TP53BP2: variants seen among roughly 807,000 people sequenced by gnomAD.
The protein encoded by TP53BP2 is apoptosis-stimulating of p53 protein 2.
A neutral mutation model predicts 126.2 loss-of-function variants in TP53BP2; 62 were observed. The observed-to-expected ratio is 0.49, with a 90% confidence interval of 0.40 to 0.61. The LOEUF is 0.61. TP53BP2 is among the 20% of genes least tolerant of loss of function. TP53BP2 has a pLI of 0.00. For synonymous variants in TP53BP2, 485 were observed against 502.9 expected (o/e 0.96, Z 0.48); for missense variants, 1,215 against 1,402.8 (o/e 0.87, Z 2.14).
chr1:223,780,881 A>G lies in TP53BP2; in HGVS notation c.3377T>C (p.Ile1126Thr). The G allele has an allele frequency of 6.2e-7, 1 of 1,613,792 alleles. No homozygotes were observed. The highest frequency in any genetic ancestry group is 8.5e-7 in the Non-Finnish European group (1 of 1,179,942). The change falls in exon 18 of 18, where the codon ATT (isoleucine) becomes ACT (threonine). Residue 1126 changes from isoleucine to threonine, a missense_variant. By Grantham distance (89) the Ile-to-Thr change is moderately conservative. Around this residue, in one of 4 missense-constraint regions of TP53BP2, gnomAD observed 151 missense variants for 231.2 expected, o/e 0.65. Coordinates refer to ENST00000343537, the MANE Select transcript of TP53BP2 (RefSeq NM_001031685.3). ...GGCCAAGCTCCTTTGTCTTGGTTTAATTCTTGGGTACAGCTGCAAGAGAGT... is the reference window on the plus strand; with the variant it reads ...GGCCAAGCTCCTTTGTCTTGGTTTAGTTCTTGGGTACAGCTGCAAGAGAGT... ...PRNLLGLYPR[I>T]KPRQRSLA
Position 223,845,701 on chromosome 1 carries a change from C to A in TP53BP2, c.-21G>T. ...CGCATGGAAGCGGGTGGCCAGACTG[C>A]GGCCCCGGCCGAGCTGAGGTGCCCC... On this transcript the variant is annotated 5_prime_UTR_variant, in exon 1 of 18. Coordinates refer to ENST00000343537, the MANE Select transcript of TP53BP2 (RefSeq NM_001031685.3). The A allele has an allele frequency of 1.3e-6, 2 of 1,534,004 alleles. No individual in the cohort carries two copies. The highest frequency in any genetic ancestry group is 1.2e-5 in the South Asian group (1 of 83,286).
intron 1 of TP53BP2, among the ~76,000 whole-genome samples, chr1:223,842,233 G>A (rs557826304): frequency 1.1e-4 from 16 of 152,218 alleles, no homozygotes; most frequent in East Asian, 9.6e-4. Context: ...CACCGTGCCC[G>A]GCCCAGCTAT....
In TP53BP2 at chr1:223,845,815, G is replaced by C. The variant is rs1374639930; in HGVS notation, c.-135C>G. On this transcript the variant is annotated 5_prime_UTR_variant, in exon 1 of 18. Transcript: ENST00000343537. ...GCGGCGGCGGCAGCGGCGGCGCGCGGGTCCGAAGGGCCCTCCGCGCGGGCT... is the reference window on the plus strand; with the variant it reads ...GCGGCGGCGGCAGCGGCGGCGCGCGCGTCCGAAGGGCCCTCCGCGCGGGCT... 48 of 738,622 alleles carry C rather than the reference G, an allele frequency of 6.5e-5. No individual in the cohort carries two copies. The East Asian group carries it at 1.9e-3, about 30-fold the overall frequency. The allele number at this position is 738,622 out of a possible 1,614,324, so 45.8% of individuals were successfully genotyped here.
chr1:223,816,968 T>C lies in TP53BP2; in HGVS notation c.176-2615A>G, dbSNP rs570803428. 1.2e-4 allele frequency among the ~76,000 whole-genome samples: 18 copies of C among 151,390 alleles called. No homozygotes were observed. The East Asian group carries it at 3.3e-3, about 28-fold the overall frequency. On this transcript the variant is annotated intron_variant, in intron 2 of 17. Transcript: ENST00000343537. ...TAAGCCCAGGAGTTCAAGACCAGCCTAGGCAACATAGCAAAACCCCATCTT... is the reference window on the plus strand; with the variant it reads ...TAAGCCCAGGAGTTCAAGACCAGCCCAGGCAACATAGCAAAACCCCATCTT...
intron 5 of TP53BP2, among the ~76,000 whole-genome samples, chr1:223,806,131 G>T (rs1404439521): frequency 6.6e-6 from 1 of 152,154 alleles, no homozygotes; most frequent in African/African-American, 2.4e-5. Flanking sequence ...AGCTCCAGAA[G>T]GGGACAGTAT....
intron 9 of TP53BP2, 66 bp from the exon 10 acceptor site, chr1:223,800,876 G>T (rs1232212074): frequency 4.3e-6 from 5 of 1,169,564 alleles, no homozygotes; most frequent in Non-Finnish European, 6.1e-6. Context: ...GATTTTTACT[G>T]CTAAGACTTT....
chr1:223,802,864 G>T lies in TP53BP2; in HGVS notation c.863C>A (p.Ala288Asp), dbSNP rs925299432. The change falls in exon 8 of 18, where the codon GCC (alanine) becomes GAC (aspartate). Residue 288 changes from alanine (A) to aspartate (D), a missense_variant. By Grantham distance (126) the Ala-to-Asp change is moderately radical. Transcript: ENST00000343537. ...ACACTCCCTCTGTTGTTGTAGCTTG[G>T]CATTCTGCTCTTGATTCAATTTGTT... Reference protein sequence around the residue: ...LRNKLNQEQNAKLQQQRECLN... With the variant: ...LRNKLNQEQNDKLQQQRECLN... The T allele has an allele frequency of 6.2e-7, 1 of 1,614,114 alleles. No individual in the cohort carries two copies.
Position 223,798,404 on chromosome 1 carries a change from C to A in TP53BP2, c.1759G>T (p.Ala587Ser). 3 of 1,614,152 alleles carry A rather than the reference C, an allele frequency of 1.9e-6. No individual in the cohort carries two copies. The highest frequency in any genetic ancestry group is 2.5e-6 in the Non-Finnish European group (3 of 1,180,048). ...GSKQESPPAAAVRPFTPQPSK... is the reference protein window; with the variant it reads ...GSKQESPPAASVRPFTPQPSK... ...GGCTGGGGAGTAAAGGGCCGGACGGCAGCAGCAGGTGGACTTTCTTGCTTA... is the reference window on the plus strand; with the variant it reads ...GGCTGGGGAGTAAAGGGCCGGACGGAAGCAGCAGGTGGACTTTCTTGCTTA... The change falls in exon 12 of 18, where the codon GCC becomes TCC. Residue 587 changes from alanine to serine, a missense_variant. Coordinates refer to ENST00000343537, the MANE Select transcript of TP53BP2 (RefSeq NM_001031685.3).
chr1:223,808,336 T>C (rs966620377), intron 4 of TP53BP2, among the ~76,000 whole-genome samples: 5 of 151,556 alleles, frequency 3.3e-5, no homozygotes, highest in Non-Finnish European at 5.9e-5. Flanking sequence ...AGGTCAGGAG[T>C]TCGAGACCAG....
intron 1 of TP53BP2, among the ~76,000 whole-genome samples, chr1:223,839,368 A>AG (rs1328404964): frequency 6.6e-6 from 1 of 152,208 alleles, no homozygotes; most frequent in African/African-American, 2.4e-5. Context: ...AGGCACAGAA[A>AG]GGGGGCTCCT....
rs762448535 is a variant in TP53BP2, at chr1:223,784,242, T to G, written c.3236A>C (p.Asp1079Ala). Reference sequence around the variant, plus strand: ...TCCTTCTTTCATGGGCAGCTCATCATCATTCTGAGGTTCATAATCCCAAAG... The same window carrying G: ...TCCTTCTTTCATGGGCAGCTCATCAGCATTCTGAGGTTCATAATCCCAAAG... Reference protein sequence around the residue: ...YALWDYEPQNDDELPMKEGDC... With the variant: ...YALWDYEPQNADELPMKEGDC... The change falls in exon 17 of 18, where the codon GAT becomes GCT. Residue 1079 changes from aspartate to alanine, a missense_variant. This residue lies in a region of TP53BP2 where 151 missense variants were observed against 231.2 expected (regional missense o/e 0.65). Transcript: ENST00000343537. The G allele has an allele frequency of 3.1e-6, 5 of 1,614,070 alleles. No homozygotes were observed. The Admixed American group carries it at 6.7e-5, about 22-fold the overall frequency.
chr1:223,808,064 G>A (rs193066053), intron 4 of TP53BP2, among the ~76,000 whole-genome samples: 14 of 152,224 alleles, frequency 9.2e-5, no homozygotes, highest in East Asian at 1.9e-4. Context: ...TGGTATTGAC[G>A]TCAAAATAGA....
chr1:223,789,994 A>C (rs1175969131), intron 15 of TP53BP2, among the ~76,000 whole-genome samples: 3 of 152,102 alleles, frequency 2.0e-5, no homozygotes, highest in Admixed American at 6.5e-5. Context: ...ACTTGAAAAA[A>C]AAATTTAGAC....
At chr1:223,838,921 C>T (rs1237649854) in intron 1 of TP53BP2, among the ~76,000 whole-genome samples, 2 of 151,998 alleles carry the variant, frequency 1.3e-5, no homozygotes, top group African/African-American at 4.8e-5. Context: ...GAGGTAACCA[C>T]CTCCACATCA....
At chr1:223,843,075 C>T (rs1157317854) in intron 1 of TP53BP2, among the ~76,000 whole-genome samples, 1 of 152,184 alleles carries the variant, frequency 6.6e-6, no homozygotes, top group Non-Finnish European at 1.5e-5. Flanking sequence ...AATACATCTT[C>T]CACTTTTGGT....
At chr1:223,780,928 A>G in intron 17 of TP53BP2, 34 bp from the exon 18 acceptor site, 1 of 1,588,686 alleles carries the variant, frequency 6.3e-7, no homozygotes, top group Non-Finnish European at 8.6e-7. Context: ...TACATACTAT[A>G]ATAGATGTGT....
At chr1:223,813,470 C>T (rs1365512080) in intron 3 of TP53BP2, among the ~76,000 whole-genome samples, 1 of 152,130 alleles carries the variant, frequency 6.6e-6, no homozygotes, top group African/African-American at 2.4e-5. Flanking sequence ...TTAACTCTGT[C>T]TACTCTTTCC....
chr1:223,817,736 G>A (rs970588685), intron 2 of TP53BP2, among the ~76,000 whole-genome samples: 3 of 151,940 alleles, frequency 2.0e-5, no homozygotes, highest in Non-Finnish European at 4.4e-5. Context: ...AACCAGCCTG[G>A]CCAACATGGT....
chr1:223,795,756 AG>A, intron 13 of TP53BP2, 58 bp downstream of exon 13: 2 of 1,391,680 alleles, frequency 1.4e-6, no homozygotes, highest in South Asian at 4.2e-5. Context: ...GTGACCACCA[AG>A]AAAATCGTAA....
Sources: allele counts gnomAD v4.1 joint callset (sites outside exome capture counted in the v4.1 genomes callset), GRCh38; gene constraint gnomAD v4.1.1; regional missense constraint gnomAD v4.1.1; transcripts MANE v1.5; gene names NCBI Gene and HGNC (gene_info 2026-07-23, HGNC 2026-07-21).